AP1B1: variants seen among roughly 807,000 people sequenced by gnomAD.
The protein encoded by AP1B1 is adaptor related protein complex 1 subunit beta 1.
A neutral mutation model predicts 104.3 loss-of-function variants in AP1B1; 36 were observed. The observed-to-expected ratio is 0.35, with a 90% confidence interval of 0.26 to 0.46. The LOEUF is 0.46. Among genes scored for constraint, AP1B1 ranks in the 20% least tolerant of loss-of-function variants. The pLI, the probability that AP1B1 is intolerant of heterozygous loss-of-function variation, is 1.00. For missense variants in AP1B1, 901 were observed against 1,247.9 expected, an observed-to-expected ratio of 0.72 and a Z score of 4.19; for synonymous variants, 504 against 517.5, an observed-to-expected ratio of 0.97 and a Z score of 0.35.
chr22:29,371,957 T>C (rs2062246595), intron 1 of AP1B1, among the ~76,000 whole-genome samples: 1 of 152,130 alleles, frequency 6.6e-6, no homozygotes, highest in African/African-American at 2.4e-5. Flanking sequence ...GGGGATGGCA[T>C]GGTCAAAATT....
chr22:29,366,833 G>GACACACACACAC (rs200885223), intron 2 of AP1B1, among the ~76,000 whole-genome samples: 84 of 131,404 alleles, frequency 6.4e-4, no homozygotes, highest in South Asian at 1.1e-3. Context: ...CTTGGATAAG[G>GACACACACACAC]ACACACACAC....
intron 8 of AP1B1, 24 bp from the exon 9 acceptor site, chr22:29,351,290 G>A: frequency 1.9e-6 from 3 of 1,612,830 alleles, no homozygotes; most frequent in Non-Finnish European, 2.5e-6. Context: ...AGAAAAGATG[G>A]GGCTGGGGCA....
At chr22:29,374,266 T>A (rs937414351) in intron 1 of AP1B1, among the ~76,000 whole-genome samples, 1 of 117,896 alleles carries the variant, frequency 8.5e-6, no homozygotes, top group Non-Finnish European at 1.7e-5. Flanking sequence ...AAAGGAAGAA[T>A]GAAACATTGC....
chr22:29,342,276 G>T lies in AP1B1; in HGVS notation c.1536+9C>A. On this transcript the variant is annotated intron_variant, in intron 12 of 22. Transcript: ENST00000357586. ...ATGCTGGGCACAGCGGGGAGGTTGG[G>T]GCACCCACCTGAGTGGCCAAACTGA... 1 of 1,611,788 alleles carries T rather than the reference G, an allele frequency of 6.2e-7. No individual in the cohort carries two copies. Among genetic ancestry groups the T allele is most frequent in the Non-Finnish European group, 8.5e-7 (1 of 1,178,404 alleles).
rs750653907 is a variant in AP1B1, at chr22:29,331,318, G to A, written c.2524+131C>T. On this transcript the variant is annotated intron_variant, in intron 19 of 22. Transcript: ENST00000357586. ...TACCCCTCACTCCAGGCCCTGCAGG[G>A]AAGCAGCAACTCCCCGACTCCATTT... 1.1e-5 allele frequency: 10 copies of A among 915,108 alleles called. No homozygotes were observed. The Middle Eastern group carries it at 8.3e-4, about 76-fold the overall frequency. The allele number at this position is 915,108 out of a possible 1,614,324, so 56.7% of individuals were successfully genotyped here.
intron 2 of AP1B1, among the ~76,000 whole-genome samples, chr22:29,364,778 G>A (rs1190025561): frequency 4.7e-5 from 7 of 149,382 alleles, no homozygotes; most frequent in African/African-American, 1.7e-4. Flanking sequence ...GTGCGATCTC[G>A]GCTCACCGCA....
rs978180307 is a variant in AP1B1 at position 29,356,623 on chromosome 22, G to A, written c.526-7C>T. 6.2e-7 allele frequency: 1 copy of A among 1,613,152 alleles called. No homozygotes were observed. The highest frequency in any genetic ancestry group is 1.3e-5 in the African/African-American group (1 of 74,926). ...CCACTGCATTGGCCACCACCTGGTT[G>A]AGAGGGTGGGAGGGGCAGAGGCTGG... On this transcript the variant is annotated splice_region_variant and splice_polypyrimidine_tract_variant and intron_variant, in intron 5 of 22. Transcript: ENST00000357586.
chr22:29,339,245 G>T, intron 15 of AP1B1, 112 bp from the exon 16 acceptor site: 1 of 1,242,880 alleles, frequency 8.0e-7, no homozygotes, highest in Non-Finnish European at 1.1e-6. Flanking sequence ...CAGGGGGCAG[G>T]ACAGCCTCCA....
Position 29,328,851 on chromosome 22 carries a change from G to A in AP1B1, c.2820C>T (p.Tyr940=). The change falls in exon 23 of 23, where the codon TAC becomes TAT. Residue 940 remains tyrosine, a synonymous_variant. Coordinates refer to ENST00000357586, the MANE Select transcript of AP1B1 (RefSeq NM_001127.4). This position sits in a 1 kb window ranked among gnomAD's most constrained non-coding sequence, Gnocchi z 4.1. The part of the protein sequence containing the change: ...CRAPEVSQHV[Y]QAYETILKN ...TCTTGAGGATGGTCTCGTAGGCCTG[G>A]TACACGTGCTGGGACACCTCTGGTG... 3 of 1,609,450 alleles carry A rather than the reference G, an allele frequency of 1.9e-6. No individual in the cohort carries two copies. The highest frequency in any genetic ancestry group is 2.5e-6 in the Non-Finnish European group (3 of 1,179,166).
intron 17 of AP1B1, 37 bp downstream of exon 17, chr22:29,334,228 C>A: frequency 6.5e-7 from 1 of 1,546,172 alleles, no homozygotes; most frequent in Non-Finnish European, 8.7e-7. Context: ...TCACAGGCCT[C>A]CTCTTGAGAG....
intron 19 of AP1B1, 55 bp downstream of exon 19, chr22:29,331,394 G>C: frequency 3.2e-6 from 5 of 1,573,402 alleles, no homozygotes; most frequent in Non-Finnish European, 4.4e-6. Flanking sequence ...CCTTGGCCAG[G>C]TTCCCAAGCC....
intron 1 of AP1B1, among the ~76,000 whole-genome samples, chr22:29,381,116 T>C (rs140369991): frequency 2.0e-5 from 3 of 152,326 alleles, no homozygotes; most frequent in African/African-American, 7.2e-5. Context: ...AGGCTCTTTC[T>C]CCAGACAGCC....
chr22:29,338,702 G>A (rs1027164621), intron 16 of AP1B1, among the ~76,000 whole-genome samples: 6 of 152,142 alleles, frequency 3.9e-5, no homozygotes, highest in African/African-American at 1.4e-4. Flanking sequence ...CCCTCACAAA[G>A]GCCGTGGTCT....
chr22:29,339,271 A>G, intron 15 of AP1B1, 138 bp from the exon 16 acceptor site: 1 of 1,003,256 alleles, frequency 1.0e-6, no homozygotes. Context: ...ACTCTAAATT[A>G]CAGAAACAAG....
Position 29,359,979 on chromosome 22 carries a change from T to A in AP1B1, c.144-20A>T. ...AGGGCACTGGAAGGTCAAAATGGTG[T>A]CAGCATGGGAAAGGCTGAACAAAGG... On this transcript the variant is annotated intron_variant, in intron 3 of 22. Transcript: ENST00000357586. 1 of 1,608,970 alleles carries A rather than the reference T, an allele frequency of 6.2e-7. No individual in the cohort carries two copies. The highest frequency in any genetic ancestry group is 8.5e-7 in the Non-Finnish European group (1 of 1,177,254).
chr22:29,360,953 C>A (rs1376165004), intron 3 of AP1B1, among the ~76,000 whole-genome samples: 1 of 152,116 alleles, frequency 6.6e-6, no homozygotes, highest in Non-Finnish European at 1.5e-5. Flanking sequence ...CTGCCAAAGC[C>A]AAAATTTATG....
At chr22:29,329,010 C>T (rs896218965) in intron 22 of AP1B1, 115 bp from the exon 23 acceptor site, 2 of 1,496,104 alleles carry the variant, frequency 1.3e-6, no homozygotes, top group African/African-American at 2.8e-5. Context: ...GTGCACACAG[C>T]CTGGCGGCAG....
chr22:29,372,438 A>AG, intron 1 of AP1B1, among the ~76,000 whole-genome samples: 1 of 151,774 alleles, frequency 6.6e-6, no homozygotes, highest in Admixed American at 6.6e-5. Flanking sequence ...AAAAAAAAAA[A>AG]AAAGAAAAAA....
intron 1 of AP1B1, among the ~76,000 whole-genome samples, chr22:29,386,524 CT>C (rs2062525343): frequency 6.6e-6 from 1 of 152,206 alleles, no homozygotes; most frequent in African/African-American, 2.4e-5. Flanking sequence ...GCTCTGAGCT[CT>C]GCTCATGTTC....
Sources: allele counts gnomAD v4.1 joint callset (sites outside exome capture counted in the v4.1 genomes callset), GRCh38; gene constraint gnomAD v4.1.1; non-coding constraint Gnocchi (gnomAD v3.1); transcripts MANE v1.5; gene names NCBI Gene and HGNC (gene_info 2026-07-23, HGNC 2026-07-21).